The following ENPP6 variants were observed in gnomAD, a reference collection of about 807,000 sequenced individuals.
ENPP6 encodes glycerophosphocholine cholinephosphodiesterase ENPP6.
A neutral mutation model predicts 42.0 loss-of-function variants in ENPP6; 32 were observed. The observed-to-expected ratio is 0.76, with a 90% CI of 0.58 to 1.02. The LOEUF (loss-of-function observed/expected upper bound fraction) is 1.02, where lower values mean the gene tolerates loss of function less well. ENPP6 is among the 50% of genes least tolerant of loss of function. ENPP6 has a pLI of 0.00. For synonymous variants in ENPP6, 213 were observed against 216.0 expected, an observed-to-expected ratio of 0.99 and a Z score of 0.12; for missense variants, 552 against 566.8, an observed-to-expected ratio of 0.97 and a Z score of 0.27.
intron 1 of ENPP6, among the ~76,000 whole-genome samples, chr4:184,181,910 G>A (rs1183740399): frequency 6.6e-6 from 1 of 152,014 alleles, no homozygotes; most frequent in Non-Finnish European, 1.5e-5. Context: ...AAAAACCCTA[G>A]AAGAAAATCT....
At chr4:184,156,505 G>T (rs1431423423) in intron 1 of ENPP6, among the ~76,000 whole-genome samples, 7 of 152,210 alleles carry the variant, frequency 4.6e-5, no homozygotes, top group African/African-American at 1.7e-4. Flanking sequence ...TACAACTGCA[G>T]TTCTGGGTTT....
At chr4:184,121,235 C>T (rs952515900) in intron 3 of ENPP6, among the ~76,000 whole-genome samples, 8 of 152,204 alleles carry the variant, frequency 5.3e-5, no homozygotes, top group African/African-American at 1.4e-4. Flanking sequence ...TAGCATTTCA[C>T]AAGGATATGT....
At chr4:184,160,710 CTT>C (rs1156293774) in intron 1 of ENPP6, among the ~76,000 whole-genome samples, 4 of 146,182 alleles carry the variant, frequency 2.7e-5, no homozygotes, top group South Asian at 4.4e-4. Context: ...CTCTCTCTCT[CTT>C]GAGCTCTCCG....
In ENPP6 at chr4:184,163,770, G is replaced by A. The variant is rs6818420; in HGVS notation, c.242-10037C>T. Among the ~76,000 whole-genome samples the A allele has an allele frequency of 2.7e-3, 416 of 152,258 alleles. 2 individuals are homozygous for A. Among genetic ancestry groups the A allele is most frequent in the African/African-American group, 9.6e-3 (399 of 41,532 alleles). ...TTCTCTGAGGCCTATGTGTGTTTCC[G>A]TCAGGCGACAGTGGTTGTGTCTACC... is the stretch of plus-strand genomic sequence containing the variant. On this transcript the variant is annotated intron_variant, in intron 1 of 7. Transcript: ENST00000296741.
intron 1 of ENPP6, among the ~76,000 whole-genome samples, chr4:184,209,430 G>C (rs1238244488): frequency 6.6e-6 from 1 of 151,638 alleles, no homozygotes; most frequent in Non-Finnish European, 1.5e-5. Context: ...CGAGAACTAC[G>C]TGAAGAATGC....
chr4:184,108,834 T>A (rs1276966703), intron 6 of ENPP6, among the ~76,000 whole-genome samples: 1 of 152,260 alleles, frequency 6.6e-6, no homozygotes, highest in African/African-American at 2.4e-5. Context: ...TTAATGGAAC[T>A]GATTGTTCTC....
At chr4:184,112,198 G>A (rs1289377584) in intron 6 of ENPP6, among the ~76,000 whole-genome samples, 3 of 152,192 alleles carry the variant, frequency 2.0e-5, no homozygotes, top group Non-Finnish European at 4.4e-5. Context: ...TCAGGCATGA[G>A]GCAATTAAGG....
chr4:184,096,601 A>C (rs933161378), intron 7 of ENPP6, among the ~76,000 whole-genome samples: 1 of 152,164 alleles, frequency 6.6e-6, no homozygotes, highest in Non-Finnish European at 1.5e-5. Context: ...TCCATCTGTT[A>C]AATCAAATGA....
intron 2 of ENPP6, among the ~76,000 whole-genome samples, chr4:184,141,231 C>T (rs1161541086): frequency 1.3e-5 from 2 of 152,166 alleles, no homozygotes; most frequent in Non-Finnish European, 1.5e-5. Context: ...AATCAGGAGT[C>T]TGTGGGCCCC....
Position 184,091,069 on chromosome 4 carries a change from C to A in ENPP6, c.*108G>T, listed in dbSNP as rs976746563. The A allele has an allele frequency of 6.8e-6, 7 of 1,034,598 alleles. No individual in the cohort carries two copies. Among genetic ancestry groups the A allele is most frequent in the South Asian group, 1.8e-5 (1 of 56,348 alleles). The allele number at this position is 1,034,598 out of a possible 1,614,324, so 64.1% of individuals were successfully genotyped here. ...ATAATGTATTTACAATGTGCATGGT[C>A]TTGATTGTGTTAATGAAGCTATTAT... On this transcript the variant is annotated 3_prime_UTR_variant, in exon 8 of 8. Transcript: ENST00000296741.
chr4:184,181,028 A>G (rs541425938), intron 1 of ENPP6, among the ~76,000 whole-genome samples: 35 of 152,308 alleles, frequency 2.3e-4, no homozygotes, highest in African/African-American at 7.5e-4. Flanking sequence ...GGCAAGAGAA[A>G]GAAATAAAGT....
At chr4:184,174,389 G>A (rs1200698799) in intron 1 of ENPP6, among the ~76,000 whole-genome samples, 2 of 152,102 alleles carry the variant, frequency 1.3e-5, no homozygotes, top group Non-Finnish European at 2.9e-5. Flanking sequence ...AAGGAGAGAT[G>A]AGATCTTGGT....
rs77206438 is a variant in ENPP6, at chr4:184,108,645, T to C, written c.993+4027A>G. On this transcript the variant is annotated intron_variant, in intron 6 of 7. Transcript: ENST00000296741. Reference sequence around the variant, plus strand: ...AGAATCAGAAATTATAGCTTTTACATATGGTGTCTTAATAATAAAAATTTG... The same window carrying C: ...AGAATCAGAAATTATAGCTTTTACACATGGTGTCTTAATAATAAAAATTTG... Among the ~76,000 whole-genome samples, 360 of 152,328 alleles carry C rather than the reference T, an allele frequency of 2.4e-3. 4 individuals are homozygous for C. Among genetic ancestry groups the C allele is most frequent in the African/African-American group, 8.4e-3 (350 of 41,558 alleles).
chr4:184,091,466 C>T (rs1560975068), intron 7 of ENPP6, 84 bp from the exon 8 acceptor site: 2 of 1,279,338 alleles, frequency 1.6e-6, no homozygotes, highest in East Asian at 2.4e-5. Context: ...GAATTACATT[C>T]AGGCTGCAGG....
chr4:184,142,452 C>A (rs531953783), intron 2 of ENPP6, among the ~76,000 whole-genome samples: 6 of 152,362 alleles, frequency 3.9e-5, no homozygotes, highest in Middle Eastern at 3.4e-3. Context: ...TGGGGGAAAG[C>A]ATGGCCTTTG....
intron 5 of ENPP6, among the ~76,000 whole-genome samples, chr4:184,115,583 A>G (rs1161283573): frequency 3.9e-5 from 6 of 152,136 alleles, no homozygotes; most frequent in Non-Finnish European, 7.4e-5. Flanking sequence ...TCACCGACAC[A>G]TACATTGTCC....
intron 6 of ENPP6, among the ~76,000 whole-genome samples, chr4:184,107,175 C>T (rs1244383168): frequency 6.6e-6 from 1 of 152,022 alleles, no homozygotes; most frequent in Non-Finnish European, 1.5e-5. Flanking sequence ...GATCTTCATC[C>T]CCTGTGGGAA....
intron 1 of ENPP6, among the ~76,000 whole-genome samples, chr4:184,198,189 G>A (rs994788326): frequency 6.6e-6 from 1 of 152,250 alleles, no homozygotes; most frequent in African/African-American, 2.4e-5. Flanking sequence ...TAGAAAGATG[G>A]GGAACCCAAG....
At chr4:184,130,286 C>T (rs1015137021) in intron 2 of ENPP6, among the ~76,000 whole-genome samples, 12 of 151,906 alleles carry the variant, frequency 7.9e-5, no homozygotes, top group South Asian at 2.1e-4. Flanking sequence ...TGGCCGGGCG[C>T]GGTGGCTCAT....
Sources: gnomAD v4.1 joint callset for allele counts (sites outside exome capture counted in the v4.1 genomes callset) on GRCh38, gnomAD v4.1.1 for gene constraint, MANE v1.5 for transcripts, NCBI Gene and HGNC (gene_info 2026-07-23, HGNC 2026-07-21) for gene names.